Variants in SPRY3 observed in about 807,000 individuals in gnomAD.
SPRY3 encodes sprouty RTK signaling antagonist 3, also known as protein sprouty homolog 3.
SPRY3 carries 15 observed loss-of-function variants against 20.2 expected under a neutral mutation model. That is an observed-to-expected ratio of 0.74 (90% confidence interval 0.50 to 1.14). SPRY3 has a LOEUF of 1.14. SPRY3 is among the 50% of genes most tolerant of loss of function. The pLI is 0.00. For synonymous variants in SPRY3, 143 were observed against 136.5 expected, an observed-to-expected ratio of 1.05 and a Z score of -0.33; for missense variants, 364 against 363.9, an observed-to-expected ratio of 1.00 and a Z score of 0.00.
At chrX:155,766,755 C>T (rs1039802178) in intron 2 of SPRY3, among the ~76,000 whole-genome samples, 11 of 152,116 alleles carry the variant, frequency 7.2e-5, no homozygotes. Flanking sequence ...TTTTCAGTCC[C>T]AGGGAGGCTG....
chrX:155,619,890 T>A (rs1557349257), intron 1 of SPRY3, among the ~76,000 whole-genome samples: 1 of 111,309 alleles, frequency 9.0e-6, no homozygotes, highest in Non-Finnish European at 1.9e-5. Flanking sequence ...TTTAAACATA[T>A]ACTTACAAAA....
intron 3 of SPRY3, among the ~76,000 whole-genome samples, chrX:155,769,461 C>G (rs2091367695): frequency 6.6e-6 from 1 of 152,034 alleles, no homozygotes; most frequent in African/African-American, 2.4e-5. Flanking sequence ...AGGTCATTTG[C>G]CTACAGCCAC....
intron 2 of SPRY3, among the ~76,000 whole-genome samples, chrX:155,687,373 A>G (rs2068090649): frequency 8.9e-6 from 1 of 112,883 alleles, no homozygotes; most frequent in Non-Finnish European, 1.9e-5. Flanking sequence ...GACAAAAAAC[A>G]GTTGTCTATA....
At chrX:155,729,327 T>C (rs2091118524) in intron 2 of SPRY3, among the ~76,000 whole-genome samples, 1 of 152,152 alleles carries the variant, frequency 6.6e-6, no homozygotes, top group South Asian at 2.1e-4. Context: ...AAAAAAGGCT[T>C]ACAATATTCA....
chrX:155,633,404 G>A (rs868995030), intron 1 of SPRY3, among the ~76,000 whole-genome samples: 62 of 79,610 alleles, frequency 7.8e-4, no homozygotes, highest in African/African-American at 2.9e-3. Flanking sequence ...AAAAAAAAAA[G>A]TTCATAGACC....
intron 3 of SPRY3, among the ~76,000 whole-genome samples, chrX:155,771,861 T>G (rs959493106): frequency 5.3e-5 from 8 of 152,186 alleles, no homozygotes; most frequent in African/African-American, 1.7e-4. Flanking sequence ...CACCTTACCC[T>G]CAAGGACTTG....
chrX:155,677,806 C>T (rs2068062377), intron 2 of SPRY3, among the ~76,000 whole-genome samples: 1 of 111,630 alleles, frequency 9.0e-6, no homozygotes. Flanking sequence ...CAGTCATGCT[C>T]CATTGTGTAT....
rs781189292 is a variant in SPRY3, at chrX:155,688,836, C to T, written c.-282+31811C>T. On this transcript the variant is annotated intron_variant, in intron 2 of 3. Transcript: ENST00000675360. Reference sequence around the variant, plus strand: ...TGCTCTCCCCACCACTGCCCTCCTCCGACAGGCCCCAGTGTGTGTTGTTTC... The same window carrying T: ...TGCTCTCCCCACCACTGCCCTCCTCTGACAGGCCCCAGTGTGTGTTGTTTC... Among the ~76,000 whole-genome samples, 6 of 87,387 alleles carry T rather than the reference C, an allele frequency of 6.9e-5. 1 individual carries two copies. Among genetic ancestry groups the T allele is most frequent in the African/African-American group, 3.3e-4 (6 of 18,203 alleles). 75.9% of individuals were successfully genotyped at this position (87,387 alleles called of 115,157 possible).
chrX:155,731,314 G>T (rs994594783), intron 2 of SPRY3, among the ~76,000 whole-genome samples: 52 of 151,932 alleles, frequency 3.4e-4, no homozygotes, highest in African/African-American at 1.2e-3. Flanking sequence ...AAGCAGATAC[G>T]TAAACCAAAG....
intron 2 of SPRY3, among the ~76,000 whole-genome samples, chrX:155,678,383 G>A (rs2068064036): frequency 8.9e-6 from 1 of 112,029 alleles, no homozygotes; most frequent in Non-Finnish European, 1.9e-5. Flanking sequence ...CCCTTCAGAA[G>A]GGACAGTAAA....
chrX:155,755,617 G>A (rs2091280906), intron 2 of SPRY3, among the ~76,000 whole-genome samples: 1 of 152,062 alleles, frequency 6.6e-6, no homozygotes, highest in Admixed American at 6.6e-5. Flanking sequence ...ACAATACACT[G>A]TAAATGCTCA....
intron 2 of SPRY3, among the ~76,000 whole-genome samples, chrX:155,683,482 T>C (rs944551980): frequency 1.8e-5 from 2 of 112,187 alleles, no homozygotes; most frequent in Admixed American, 9.4e-5. Context: ...TAAAGTATCT[T>C]TTATTAAGGT....
At chrX:155,671,463 T>C (rs1569562550) in intron 2 of SPRY3, among the ~76,000 whole-genome samples, 2 of 111,307 alleles carry the variant, frequency 1.8e-5, no homozygotes, top group Admixed American at 1.9e-4. Flanking sequence ...TGGCAAAATC[T>C]TTCTCTGTCT....
chrX:155,750,460 T>C (rs2091256820), intron 2 of SPRY3, among the ~76,000 whole-genome samples: 1 of 151,638 alleles, frequency 6.6e-6, no homozygotes, highest in African/African-American at 2.4e-5. Context: ...AATTTAAAAA[T>C]ATCACCAGAG....
chrX:155,645,662 TTCTC>T (rs1557351797), intron 1 of SPRY3, among the ~76,000 whole-genome samples: 1 of 112,408 alleles, frequency 8.9e-6, no homozygotes, highest in African/African-American at 3.2e-5. Flanking sequence ...AATGCACAGA[TTCTC>T]TCTCTGCACC....
chrX:155,630,246 C>T, intron 1 of SPRY3, among the ~76,000 whole-genome samples: 1 of 112,180 alleles, frequency 8.9e-6, no homozygotes, highest in Non-Finnish European at 1.9e-5. Flanking sequence ...CCATACTAAA[C>T]ATATGAGTGA....
intron 2 of SPRY3, among the ~76,000 whole-genome samples, chrX:155,681,445 C>T (rs1346288568): frequency 8.9e-6 from 1 of 111,810 alleles, no homozygotes; most frequent in Non-Finnish European, 1.9e-5. Context: ...TTATCAGCAG[C>T]ATGAAAATGG....
At chrX:155,745,261 A>G (rs2091220509) in intron 2 of SPRY3, among the ~76,000 whole-genome samples, 1 of 152,110 alleles carries the variant, frequency 6.6e-6, no homozygotes, top group Non-Finnish European at 1.5e-5. Flanking sequence ...GAAGCAGGGT[A>G]AAGAGCTTTG....
At chrX:155,615,426 A>G (rs782049481) in intron 1 of SPRY3, among the ~76,000 whole-genome samples, 2 of 112,373 alleles carry the variant, frequency 1.8e-5, no homozygotes, top group African/African-American at 6.5e-5. Context: ...GGTTAAAACT[A>G]TGTGTTAATT....
Sources: allele counts gnomAD v4.1 joint callset (sites outside exome capture counted in the v4.1 genomes callset), GRCh38; gene constraint gnomAD v4.1.1; transcripts MANE v1.5; gene names NCBI Gene and HGNC (gene_info 2026-07-23, HGNC 2026-07-21).